MYLK: variants seen among roughly 807,000 people sequenced by gnomAD.
MYLK encodes myosin light chain kinase.
A neutral mutation model predicts 203.4 loss-of-function variants in MYLK; 106 were observed. The ratio of observed to expected loss-of-function variants is 0.52; its 90% CI spans 0.45 to 0.61. The LOEUF (loss-of-function observed/expected upper bound fraction) is 0.61. Ranked by LOEUF, MYLK falls within the 20% of genes least tolerant of loss-of-function variation. The probability of loss-of-function intolerance (pLI) is 0.00; values close to 1 mark genes in which losing one functional copy is unlikely to be tolerated. For missense variants in MYLK, 2,072 were observed against 2,442.3 expected (o/e 0.85, Z 3.20); for synonymous variants, 867 against 959.5 (o/e 0.90, Z 1.78).
chr3:123,748,678 T>G (rs757122057), intron 5 of MYLK, among the ~76,000 whole-genome samples: 2 of 152,256 alleles, frequency 1.3e-5, no homozygotes, highest in Non-Finnish European at 2.9e-5. Flanking sequence ...ATAAGTATTT[T>G]ATTAAAATGA....
In MYLK at chr3:123,814,178, G is replaced by T. The variant is rs56950831; in HGVS notation, c.-4+17370C>A. ...CATGGGCCCTGTTCCTGTGTCTCGG[G>T]CTCAGGGATAAATTTGGTTACAGAT... On this transcript the variant is annotated intron_variant, in intron 3 of 33. Transcript: ENST00000360304. 1,127 of 309,558 alleles carry T rather than the reference G, an allele frequency of 3.6e-3. 7 individuals carry two copies. The highest frequency in any genetic ancestry group is 0.019 in the African/African-American group (874 of 45,488). 19.2% of individuals were successfully genotyped at this position (309,558 alleles called of 1,614,324 possible). A position where few individuals can be genotyped will look rare whatever the true frequency, so the allele number is the denominator to read the frequency against.
chr3:123,746,134 G>A (rs2063008279), intron 5 of MYLK, among the ~76,000 whole-genome samples: 1 of 152,164 alleles, frequency 6.6e-6, no homozygotes, highest in African/African-American at 2.4e-5. Context: ...GGGATTACAG[G>A]TGTGAGCCAC....
Position 123,793,718 on chromosome 3 carries a change from G to C in MYLK, c.124C>G (p.Leu42Val). Residue 42 changes from leucine (L) to valine (V), a missense_variant, in exon 4 of 34, where the codon CTC becomes GTC. Physicochemically the swap from Leu to Val is conservative, Grantham distance 32. Transcript: ENST00000360304. Reference protein sequence around the residue: ...APAFILPPRNLCIKEGATAKF... With the variant: ...APAFILPPRNVCIKEGATAKF... ...GCGGTGGCTCCTTCTTTGATGCAGA[G>C]GTTCCGAGGGGGCAAAATGAAAGCA... 6 of 1,614,172 alleles carry C rather than the reference G, an allele frequency of 3.7e-6. No homozygotes were observed. The highest frequency in any genetic ancestry group is 5.1e-6 in the Non-Finnish European group (6 of 1,180,024).
intron 4 of MYLK, among the ~76,000 whole-genome samples, chr3:123,773,091 AATCAACAT>A (rs767227217): frequency 1.5e-4 from 23 of 152,146 alleles, no homozygotes; most frequent in Non-Finnish European, 2.8e-4. Flanking sequence ...AAATATTAGA[AATCAACAT>A]ATCAAAAACA....
Position 123,677,404 on chromosome 3 carries a change from G to C in MYLK, c.3652+4820C>G, listed in dbSNP as rs368346644. Among the ~76,000 whole-genome samples, 6 of 152,168 alleles carry C rather than the reference G, an allele frequency of 3.9e-5. No individual in the cohort carries two copies. The East Asian group carries it at 9.6e-4, about 24-fold the overall frequency. Reference sequence around the variant, plus strand: ...TCGTCTCCTGCTCATTGGCTTTCTTGCTGTGTCTTGTGCCTGAGTGCTGCC... The same window carrying C: ...TCGTCTCCTGCTCATTGGCTTTCTTCCTGTGTCTTGTGCCTGAGTGCTGCC... On this transcript the variant is annotated intron_variant, in intron 20 of 33. Transcript: ENST00000360304.
Position 123,700,899 on chromosome 3 carries a change from C to T in MYLK, c.2569G>A (p.Gly857Arg), listed in dbSNP as rs752128030. The T allele has an allele frequency of 2.5e-6, 4 of 1,612,780 alleles. No homozygotes were observed. The highest frequency in any genetic ancestry group is 3.4e-6 in the Non-Finnish European group (4 of 1,180,026). The change falls in exon 18 of 34, where the codon GGG becomes AGG. Residue 857 changes from glycine (G) to arginine (R), a missense_variant. Transcript: ENST00000360304. The stretch of plus-strand genomic sequence containing the variant: ...TCTTCCTCCTCTAGCCAACCCTGCC[C>T]TCTTGCTGGCCAGCCAGGCCTCAGG... ...GSLRPGWPARGQGWLEEEDGE... is the reference protein window; with the variant it reads ...GSLRPGWPARRQGWLEEEDGE...
chr3:123,876,851 G>A (rs541278896), intron 1 of MYLK, among the ~76,000 whole-genome samples: 1 of 152,260 alleles, frequency 6.6e-6, no homozygotes, highest in South Asian at 2.1e-4. Context: ...GCATTAACAT[G>A]TCCTTCCCTT....
chr3:123,710,506 T>C (rs1395821114), intron 13 of MYLK, among the ~76,000 whole-genome samples: 1 of 151,668 alleles, frequency 6.6e-6, no homozygotes, highest in African/African-American at 2.4e-5. Flanking sequence ...TCCTAGGAGG[T>C]TTTAAGCACC....
chr3:123,624,413 A>T (rs1411991315), intron 31 of MYLK: 1 of 150,652 alleles, frequency 6.6e-6, no homozygotes, highest in Non-Finnish European at 1.5e-5. Flanking sequence ...CTGTTTCCTC[A>T]TCTCTTCTCT....
chr3:123,641,780 C>CT, intron 27 of MYLK, among the ~76,000 whole-genome samples: 1 of 147,122 alleles, frequency 6.8e-6, no homozygotes, highest in East Asian at 2.1e-4. Context: ...CCTCTCTTCC[C>CT]TCCCTCCCTT....
intron 1 of MYLK, among the ~76,000 whole-genome samples, chr3:123,878,517 C>T (rs753906267): frequency 5.3e-5 from 8 of 152,174 alleles, no homozygotes; most frequent in Non-Finnish European, 1.2e-4. Flanking sequence ...CCATTGGACC[C>T]TCAGACTAAA....
intron 1 of MYLK, 100 bp downstream of exon 1, chr3:123,884,106 C>A (rs1008438437): frequency 1.5e-4 from 23 of 151,954 alleles, no homozygotes; most frequent in African/African-American, 9.7e-5. Context: ...TCGGGAGGCA[C>A]AGACGGTGGG....
intron 19 of MYLK, chr3:123,692,479 G>T: frequency 1.8e-6 from 2 of 1,095,120 alleles, no homozygotes; most frequent in Admixed American, 2.9e-5. Flanking sequence ...TGGGTGTGGG[G>T]ATCAGGACTG....
intron 3 of MYLK, among the ~76,000 whole-genome samples, chr3:123,823,465 C>G (rs970955909): frequency 2.6e-5 from 4 of 152,120 alleles, no homozygotes; most frequent in Non-Finnish European, 5.9e-5. Context: ...GTGCTCAGGC[C>G]CAGAATTCAT....
In MYLK at chr3:123,701,524, A is replaced by G. The variant is rs757179090; in HGVS notation, c.2391-15T>C. On this transcript the variant is annotated splice_polypyrimidine_tract_variant and intron_variant, in intron 16 of 33. Coordinates refer to ENST00000360304, the MANE Select transcript of MYLK (RefSeq NM_053025.4). ...CAACCCGGTTCCTGAAGAATTCCAA[A>G]GATCAATAAAGATCAAGAGGCCCTC... The G allele has an allele frequency of 6.2e-7, 1 of 1,612,858 alleles. No individual in the cohort carries two copies. The highest frequency in any genetic ancestry group is 1.1e-5 in the South Asian group (1 of 91,032).
chr3:123,749,095 A>ATACATACG (rs2063114167), intron 5 of MYLK, among the ~76,000 whole-genome samples: 1 of 151,302 alleles, frequency 6.6e-6, no homozygotes, highest in Non-Finnish European at 1.5e-5. Context: ...ACATACATAC[A>ATACATACG]TACATACATA....
chr3:123,754,372 C>T (rs894766127), intron 4 of MYLK, among the ~76,000 whole-genome samples: 2 of 152,228 alleles, frequency 1.3e-5, no homozygotes, highest in Non-Finnish European at 2.9e-5. Context: ...AACAATAAAA[C>T]TCCAAATCAA....
intron 30 of MYLK, among the ~76,000 whole-genome samples, chr3:123,628,052 G>T (rs982430515): frequency 1.3e-5 from 2 of 152,218 alleles, no homozygotes; most frequent in African/African-American, 2.4e-5. Flanking sequence ...CACCTTGGGT[G>T]TGGGGGTCCC....
intron 2 of MYLK, among the ~76,000 whole-genome samples, chr3:123,869,326 C>A (rs187579773): frequency 2.6e-5 from 4 of 152,254 alleles, no homozygotes; most frequent in Admixed American, 2.0e-4. Flanking sequence ...ATCAACAGGT[C>A]CAAGAGGCCT....
Sources: allele counts gnomAD v4.1 joint callset (sites outside exome capture counted in the v4.1 genomes callset), GRCh38; gene constraint gnomAD v4.1.1; transcripts MANE v1.5; gene names NCBI Gene and HGNC (gene_info 2026-07-23, HGNC 2026-07-21).